The following MACF1 variants were observed in gnomAD, a reference collection of about 807,000 sequenced individuals.
MACF1 encodes the protein microtubule actin crosslinking factor 1.
In MACF1, 193 loss-of-function variants were observed where a neutral mutation model predicts 854.8. That is an observed-to-expected ratio of 0.23 (90% CI 0.20 to 0.25). The LOEUF is 0.25. Among genes scored for constraint, MACF1 ranks in the 10% least tolerant of loss-of-function variants. The probability of loss-of-function intolerance (pLI) is 1.00; values close to 1 mark genes in which losing one functional copy is unlikely to be tolerated. For missense variants in MACF1, 7,722 were observed against 8,929.1 expected, an observed-to-expected ratio of 0.86 and a Z score of 5.45; for synonymous variants, 3,185 against 3,226.7, an observed-to-expected ratio of 0.99 and a Z score of 0.44.
At position 39,333,524 on chromosome 1, in the gene MACF1, A is replaced by G. The variant is rs1646762782; in HGVS notation, c.6936A>G (p.Ile2312Met). Residue 2312 changes from isoleucine (I) to methionine (M), a missense_variant, in exon 37 of 101, where the codon ATA (isoleucine) becomes ATG (methionine). Physicochemically the swap from Ile to Met is conservative, Grantham distance 10. Coordinates refer to ENST00000564288, the MANE Select transcript of MACF1 (RefSeq NM_001394062.1). The stretch of plus-strand genomic sequence containing the variant: ...AAAAGCTCTTACTAAATGAAGCAAT[A>G]TCCCGAGGCATTGTGCCAAGTCACA... ...TGQKLLLNEA[I>M]SRGIVPSHTA... 6.2e-7 allele frequency: 1 copy of G among 1,614,218 alleles called. No homozygotes were observed.
intron 21 of MACF1, among the ~76,000 whole-genome samples, chr1:39,299,461 T>C (rs1645997238): frequency 6.6e-6 from 1 of 152,218 alleles, no homozygotes; most frequent in South Asian, 2.1e-4. Context: ...TTAATGGAAT[T>C]GGTAATGGTT....
chr1:39,118,022 C>G lies in MACF1; in HGVS notation c.220+33584C>G, dbSNP rs74451693. Among the ~76,000 whole-genome samples the G allele has an allele frequency of 3.2e-3, 481 of 152,290 alleles. 2 individuals carry two copies. Among genetic ancestry groups the G allele is most frequent in the African/African-American group, 0.011 (464 of 41,564 alleles). On this transcript the variant is annotated intron_variant, in intron 2 of 93. Transcript: ENST00000361689. Reference sequence around the variant, plus strand: ...GATATCCTTTCTAGTCATGCAGGACCTTTTTGCCATATTATCTATACATAT... The same window carrying G: ...GATATCCTTTCTAGTCATGCAGGACGTTTTTGCCATATTATCTATACATAT...
intron 61 of MACF1, among the ~76,000 whole-genome samples, chr1:39,425,947 A>G (rs551647965): frequency 1.5e-4 from 23 of 152,238 alleles, no homozygotes; most frequent in African/African-American, 4.8e-4. Context: ...TTCTGGGCCA[A>G]TATTTTAAAT....
chr1:39,129,775 C>T (rs904284776), intron 2 of MACF1, among the ~76,000 whole-genome samples: 2 of 152,212 alleles, frequency 1.3e-5, no homozygotes, highest in African/African-American at 2.4e-5. Flanking sequence ...CCTCCTATCA[C>T]ACACACATTA....
At chr1:39,293,656 T>C (rs1645840419) in intron 18 of MACF1, 37 bp downstream of exon 18, 2 of 1,584,248 alleles carry the variant, frequency 1.3e-6, no homozygotes, top group Non-Finnish European at 1.7e-6. Flanking sequence ...TCATACTTAT[T>C]TAACAGCAGC....
At chr1:39,242,578 A>G (rs1181738311) in intron 2 of MACF1, among the ~76,000 whole-genome samples, 6 of 151,848 alleles carry the variant, frequency 4.0e-5, no homozygotes, top group Admixed American at 3.9e-4. Context: ...GCAAAACCCC[A>G]TCTCTACAAA....
chr1:39,155,795 C>T (rs1454664871), intron 2 of MACF1, among the ~76,000 whole-genome samples: 1 of 152,240 alleles, frequency 6.6e-6, no homozygotes, highest in African/African-American at 2.4e-5. Flanking sequence ...TCTTGGCTCA[C>T]TGCAACTTCC....
intron 58 of MACF1, chr1:39,411,690 A>G (rs1643013584): frequency 6.2e-7 from 1 of 1,613,804 alleles, no homozygotes; most frequent in African/African-American, 1.3e-5. Context: ...AGGAGTGTTT[A>G]TGTGAAGAAG....
chr1:39,474,337 C>T (rs1482325874), intron 97 of MACF1, among the ~76,000 whole-genome samples: 1 of 151,502 alleles, frequency 6.6e-6, no homozygotes, highest in Non-Finnish European at 1.5e-5. Flanking sequence ...TGCAGTGAGC[C>T]GAGACTATGC....
intron 40 of MACF1, among the ~76,000 whole-genome samples, chr1:39,344,817 C>T (rs1233176760): frequency 6.6e-6 from 1 of 152,160 alleles, no homozygotes; most frequent in Non-Finnish European, 1.5e-5. Context: ...GAGATCTTAC[C>T]TGGAAGCTGC....
At chr1:39,372,440 C>T (rs761645270) in intron 51 of MACF1, 39 bp from the exon 52 acceptor site, 1 of 1,194,680 alleles carries the variant, frequency 8.4e-7, no homozygotes. Flanking sequence ...GAGGAAAAAG[C>T]CCCAGATACT....
At chr1:39,481,088 C>A (rs1645003975) in intron 99 of MACF1, 58 bp downstream of exon 99, 3 of 1,025,102 alleles carry the variant, frequency 2.9e-6, no homozygotes, top group Non-Finnish European at 4.5e-6. Flanking sequence ...CGCTACTGGA[C>A]TTGACCAGCT....
intron 2 of MACF1, among the ~76,000 whole-genome samples, chr1:39,170,090 C>T (rs1461324081): frequency 1.3e-5 from 2 of 151,902 alleles, no homozygotes; most frequent in Non-Finnish European, 2.9e-5. Context: ...CTCTCCTTGC[C>T]CTTTAGTTCT....
chr1:39,421,159 C>G (rs2148634281), intron 58 of MACF1, among the ~76,000 whole-genome samples: 1 of 152,328 alleles, frequency 6.6e-6, no homozygotes, highest in South Asian at 2.1e-4. Context: ...GCCACTGTGC[C>G]CGGCCACTTC....
At position 39,324,248 on chromosome 1, in the gene MACF1, G is replaced by A; in HGVS notation, c.4292G>A (p.Gly1431Asp). The A allele has an allele frequency of 6.2e-7, 1 of 1,613,530 alleles. No homozygotes were observed. The highest frequency in any genetic ancestry group is 1.1e-5 in the South Asian group (1 of 91,008). Reference sequence around the variant, plus strand: ...GTGGAGAAGGTTAAAGAACTTTTGGGCTGGGTGTCTACCCTAGCGAGGAAT... The same window carrying A: ...GTGGAGAAGGTTAAAGAACTTTTGGACTGGGTGTCTACCCTAGCGAGGAAT... The part of the protein sequence containing the change: ...EHVEKVKELL[G>D]WVSTLARNTQ... Residue 1431 changes from glycine (G) to aspartate (D), a missense_variant, in exon 34 of 101, where the codon GGC becomes GAC. Around this residue, in one of 15 missense-constraint regions of MACF1, gnomAD observed 1,137 missense variants for 1,263.0 expected, o/e 0.90. Coordinates refer to ENST00000564288, the MANE Select transcript of MACF1 (RefSeq NM_001394062.1).
chr1:39,234,551 C>G (rs1313768203), intron 2 of MACF1, among the ~76,000 whole-genome samples: 1 of 116,186 alleles, frequency 8.6e-6, no homozygotes, highest in Non-Finnish European at 1.9e-5. Context: ...GGGGGCTGAC[C>G]CCCCCACCTC....
chr1:39,129,197 C>T (rs866617022), intron 2 of MACF1, among the ~76,000 whole-genome samples: 3 of 151,992 alleles, frequency 2.0e-5, no homozygotes, highest in Non-Finnish European at 2.9e-5. Flanking sequence ...GAGAACTGCC[C>T]GTAAATGAAA....
chr1:39,336,076 C>T lies in MACF1; in HGVS notation c.9488C>T (p.Ser3163Phe). The T allele has an allele frequency of 1.9e-6, 3 of 1,613,994 alleles. No individual in the cohort carries two copies. Among genetic ancestry groups the T allele is most frequent in the Non-Finnish European group, 2.5e-6 (3 of 1,179,994 alleles). The change falls in exon 37 of 101, where the codon TCC becomes TTC. Residue 3163 changes from serine (S) to phenylalanine (F), a missense_variant. This residue lies in a region of MACF1 where 854 missense variants were observed against 852.6 expected (regional missense o/e 1.00). Coordinates refer to ENST00000564288, the MANE Select transcript of MACF1 (RefSeq NM_001394062.1). ...SKTKETKHQI[S>F]SSNECKEKSY... Reference sequence around the variant, plus strand: ...ACTAAGGAAACCAAACATCAAATTTCCTCATCTAATGAATGTAAAGAAAAG... The same window carrying T: ...ACTAAGGAAACCAAACATCAAATTTTCTCATCTAATGAATGTAAAGAAAAG...
Position 39,388,088 on chromosome 1 carries a change from T to A in MACF1, c.15246T>A (p.Asp5082Glu), listed in dbSNP as rs1641869898. The change falls in exon 58 of 101, where the codon GAT becomes GAA. Residue 5082 changes from aspartate (D) to glutamate (E), a missense_variant. Physicochemically the swap from Asp to Glu is conservative, Grantham distance 45. Transcript: ENST00000564288. Reference protein sequence around the residue: ...FTQGLVEDAPDGSDASQLLHQ... With the variant: ...FTQGLVEDAPEGSDASQLLHQ... ...AGGGTCTGGTAGAAGATGCCCCAGATGGATCTGATGCTTCTCAACTTCTCC... is the reference window on the plus strand; with the variant it reads ...AGGGTCTGGTAGAAGATGCCCCAGAAGGATCTGATGCTTCTCAACTTCTCC... The A allele has an allele frequency of 1.2e-6, 2 of 1,614,090 alleles. No individual in the cohort carries two copies.
Sources: gnomAD v4.1 joint callset for allele counts (sites outside exome capture counted in the v4.1 genomes callset) on GRCh38, gnomAD v4.1.1 for gene constraint, gnomAD v4.1.1 regional missense constraint, MANE v1.5 for transcripts, NCBI Gene and HGNC (gene_info 2026-07-23, HGNC 2026-07-21) for gene names.